The following FAM135B variants were observed in gnomAD, a reference collection of about 807,000 sequenced individuals.
FAM135B encodes family with sequence similarity 135 member B.
FAM135B carries 43 observed loss-of-function variants against 127.7 expected under a neutral mutation model. The observed-to-expected ratio is 0.34, with a 90% CI of 0.26 to 0.43. The LOEUF (loss-of-function observed/expected upper bound fraction) is 0.43. Ranked by LOEUF, FAM135B falls within the 20% of genes least tolerant of loss-of-function variation. FAM135B has a pLI of 1.00. For synonymous variants in FAM135B, 670 were observed against 665.1 expected (o/e 1.01, Z -0.11); for missense variants, 1,558 against 1,725.6 (o/e 0.90, Z 1.72).
At chr8:138,496,416 G>A (rs1815393861) in intron 1 of FAM135B, among the ~76,000 whole-genome samples, 1 of 152,186 alleles carries the variant, frequency 6.6e-6, no homozygotes, top group African/African-American at 2.4e-5. Context: ...CTCCTGGGGG[G>A]AACCCCTCAT....
chr8:138,146,549 G>A (rs1039117092), intron 14 of FAM135B, among the ~76,000 whole-genome samples: 2 of 152,040 alleles, frequency 1.3e-5, no homozygotes, highest in Non-Finnish European at 2.9e-5. Context: ...AAATAGAATA[G>A]GACTGTCTCT....
chr8:138,181,827 C>T (rs1019437944), intron 9 of FAM135B, among the ~76,000 whole-genome samples: 5 of 152,170 alleles, frequency 3.3e-5, no homozygotes, highest in Non-Finnish European at 7.3e-5. Context: ...TCCTTCTTGA[C>T]GTCTACTTGA....
At chr8:138,207,133 C>T (rs1817752222) in intron 7 of FAM135B, among the ~76,000 whole-genome samples, 1 of 151,982 alleles carries the variant, frequency 6.6e-6, no homozygotes, top group Admixed American at 6.6e-5. Flanking sequence ...TCATGGAAAT[C>T]AGGGAGAAAA....
At chr8:138,161,817 C>T (rs1394650757) in intron 12 of FAM135B, among the ~76,000 whole-genome samples, 10 of 152,208 alleles carry the variant, frequency 6.6e-5, no homozygotes, top group Admixed American at 5.9e-4. Context: ...TTCCGAGCCT[C>T]CCTTCTACTT....
intron 7 of FAM135B, among the ~76,000 whole-genome samples, chr8:138,211,170 C>T (rs1410879487): frequency 6.6e-6 from 1 of 152,160 alleles, no homozygotes; most frequent in Non-Finnish European, 1.5e-5. Context: ...ACTTAGTGGA[C>T]CCTGTCATAT....
intron 16 of FAM135B, 156 bp downstream of exon 16, chr8:138,142,856 G>A (rs1346464105): frequency 1.6e-5 from 9 of 574,532 alleles, no homozygotes; most frequent in Non-Finnish European, 2.8e-5. Flanking sequence ...GCCAGACCTG[G>A]TACTTACTTC....
At chr8:138,398,878 C>CTT (rs1253936494) in intron 1 of FAM135B, among the ~76,000 whole-genome samples, 1 of 152,160 alleles carries the variant, frequency 6.6e-6, no homozygotes, top group Non-Finnish European at 1.5e-5. Context: ...TCCCCTAATA[C>CTT]AGAATCTGGA....
intron 12 of FAM135B, among the ~76,000 whole-genome samples, chr8:138,155,724 T>C (rs531009902): frequency 8.1e-4 from 123 of 152,064 alleles, no homozygotes; most frequent in Non-Finnish European, 1.6e-3. Context: ...GGTAAAGGGA[T>C]CAATTCCACA....
Position 138,236,019 on chromosome 8 carries a change from G to C in FAM135B, c.669+6923C>G, listed in dbSNP as rs73715552. ...TCTCCACGGGTGAGCCAAGGAACTG[G>C]GAGGCTCAATGTGCAGGCTGGAAAC... On this transcript the variant is annotated intron_variant, in intron 7 of 19. Coordinates refer to ENST00000395297, the MANE Select transcript of FAM135B (RefSeq NM_015912.4). 4.6e-3 allele frequency among the ~76,000 whole-genome samples: 700 copies of C among 152,254 alleles called. 3 individuals are homozygous for C. The highest frequency in any genetic ancestry group is 0.017 in the Middle Eastern group (5 of 294).
chr8:138,393,588 G>GC (rs937238317), intron 1 of FAM135B, among the ~76,000 whole-genome samples: 1 of 152,130 alleles, frequency 6.6e-6, no homozygotes, highest in African/African-American at 2.4e-5. Context: ...GAACAGAAAA[G>GC]CCCTTTTTGC....
chr8:138,238,979 A>G (rs1820516414), intron 7 of FAM135B, among the ~76,000 whole-genome samples: 2 of 152,234 alleles, frequency 1.3e-5, no homozygotes, highest in Non-Finnish European at 2.9e-5. Context: ...GAGTCTGGTC[A>G]AAGACAGGGA....
chr8:138,416,386 T>C (rs1834154388), intron 1 of FAM135B, among the ~76,000 whole-genome samples: 1 of 152,302 alleles, frequency 6.6e-6, no homozygotes, highest in African/African-American at 2.4e-5. Context: ...ATAAGACCTG[T>C]TGTTTTGCAC....
intron 1 of FAM135B, among the ~76,000 whole-genome samples, chr8:138,432,202 G>A (rs1042772228): frequency 3.3e-5 from 5 of 152,194 alleles, no homozygotes; most frequent in Non-Finnish European, 7.3e-5. Flanking sequence ...ATTGTAGTCA[G>A]CATAAAGGTA....
intron 3 of FAM135B, among the ~76,000 whole-genome samples, chr8:138,273,493 C>T (rs995166378): frequency 2.0e-5 from 3 of 152,114 alleles, no homozygotes; most frequent in Admixed American, 6.5e-5. Flanking sequence ...TGTGAGCCAC[C>T]GCCTCCAGCC....
intron 2 of FAM135B, among the ~76,000 whole-genome samples, chr8:138,344,577 C>CTTTTTTTTTTTTTT (rs869039075): frequency 1.2e-4 from 10 of 83,934 alleles, no homozygotes; most frequent in Non-Finnish European, 1.6e-4. Flanking sequence ...TTCTTTCTTT[C>CTTTTTTTTTTTTTT]TTTTTTTTTT....
At position 138,135,218 on chromosome 8, in the gene FAM135B, A is replaced by C. The variant is rs983916376; in HGVS notation, c.4015+1929T>G. On this transcript the variant is annotated intron_variant, in intron 19 of 19. Coordinates refer to ENST00000395297, the MANE Select transcript of FAM135B (RefSeq NM_015912.4). Reference sequence around the variant, plus strand: ...TGAACTCTGTTCTTAAGGCTTTACCAAGGTTGAAATGTCAACAAAAATATT... The same window carrying C: ...TGAACTCTGTTCTTAAGGCTTTACCCAGGTTGAAATGTCAACAAAAATATT... 1.4e-4 allele frequency among the ~76,000 whole-genome samples: 21 copies of C among 152,320 alleles called. No individual in the cohort carries two copies. The East Asian group carries it at 1.7e-3, about 13-fold the overall frequency.
chr8:138,243,006 T>C lies in FAM135B; in HGVS notation c.605A>G (p.Gln202Arg), dbSNP rs1328200224. The change falls in exon 7 of 20, where the codon CAG becomes CGG. Residue 202 changes from glutamine (Q) to arginine (R), a missense_variant. Coordinates refer to ENST00000395297, the MANE Select transcript of FAM135B (RefSeq NM_015912.4). The surrounding 1 kb of genome is among the most constrained non-coding windows in gnomAD (Gnocchi z 7.5). Reference protein sequence around the residue: ...GKGGPDTGQEQSIISLENLVF... With the variant: ...GKGGPDTGQERSIISLENLVF... ...CAAGTTTTCCAGAGAAATGATAGAC[T>C]GTTCTTGTCCGGTGTCTGGGCCACC... is the stretch of plus-strand genomic sequence containing the variant. The C allele has an allele frequency of 6.2e-7, 1 of 1,614,014 alleles. No homozygotes were observed. Among genetic ancestry groups the C allele is most frequent in the Admixed American group, 1.7e-5 (1 of 60,000 alleles).
chr8:138,176,814 C>T (rs905631832), intron 11 of FAM135B, among the ~76,000 whole-genome samples: 1 of 152,196 alleles, frequency 6.6e-6, no homozygotes, highest in African/African-American at 2.4e-5. Context: ...TCTACTCCCA[C>T]TCACCTGGGA....
intron 2 of FAM135B, chr8:138,367,302 T>C (rs1212922287): frequency 4.5e-6 from 2 of 449,084 alleles, no homozygotes; most frequent in Admixed American, 4.8e-5. Context: ...TTTGGTTTCT[T>C]ATATAACCAT....
Sources: gnomAD v4.1 joint callset for allele counts (sites outside exome capture counted in the v4.1 genomes callset) on GRCh38, gnomAD v4.1.1 for gene constraint, Gnocchi (gnomAD v3.1) non-coding constraint, MANE v1.5 for transcripts, NCBI Gene and HGNC (gene_info 2026-07-23, HGNC 2026-07-21) for gene names.